Variants in KSR2 observed in about 807,000 individuals in gnomAD.
KSR2 encodes kinase suppressor of ras 2.
Under a neutral mutation model 107.8 loss-of-function variants are expected in KSR2, and 25 were observed. That is an observed-to-expected ratio of 0.23 (90% confidence interval 0.17 to 0.32). The LOEUF is 0.32. Ranked by LOEUF, KSR2 falls within the 10% of genes least tolerant of loss-of-function variation. The pLI is 1.00. For synonymous variants in KSR2, 480 were observed against 507.0 expected, an observed-to-expected ratio of 0.95 and a Z score of 0.71; for missense variants, 887 against 1,268.9, an observed-to-expected ratio of 0.70 and a Z score of 4.57.
chr12:117,480,224 C>T (rs1022507294), intron 16 of KSR2, among the ~76,000 whole-genome samples: 1 of 152,126 alleles, frequency 6.6e-6, no homozygotes, highest in African/African-American at 2.4e-5. Context: ...TTCTCTGCTC[C>T]CATCTTTTTG....
chr12:117,466,922 T>C lies in KSR2; in HGVS notation c.*277A>G, dbSNP rs377320263. ...GCACCACGTGCAGCCTGCAGTGCTC[T>C]CATTAGTGCTGTCCCCTGGGCCGCA... On this transcript the variant is annotated 3_prime_UTR_variant, in exon 20 of 20. Transcript: ENST00000339824. 6.1e-5 allele frequency: 23 copies of C among 379,448 alleles called. No homozygotes were observed. The highest frequency in any genetic ancestry group is 4.4e-4 in the African/African-American group (21 of 48,146). The allele number at this position is 379,448 out of a possible 1,614,324, so 23.5% of individuals were successfully genotyped here. A position where few individuals can be genotyped will look rare whatever the true frequency, so the allele number is the denominator to read the frequency against.
chr12:117,558,735 T>C (rs1018212863), intron 7 of KSR2, among the ~76,000 whole-genome samples, 162 bp from the exon 8 acceptor site: 5 of 123,982 alleles, frequency 4.0e-5, no homozygotes, highest in African/African-American at 1.6e-4. Flanking sequence ...GATGAATGGG[T>C]GAATGGATTC....
At chr12:117,940,060 TA>T (rs1329447867) in intron 1 of KSR2, among the ~76,000 whole-genome samples, 2 of 151,988 alleles carry the variant, frequency 1.3e-5, no homozygotes, top group East Asian at 1.9e-4. Flanking sequence ...CTGCTTTTTA[TA>T]AAATACCAGG....
intron 3 of KSR2, among the ~76,000 whole-genome samples, chr12:117,767,222 G>A (rs573244936): frequency 1.3e-5 from 2 of 149,382 alleles, no homozygotes; most frequent in East Asian, 2.0e-4. Context: ...GACCATCCTG[G>A]CTAACACAGT....
intron 3 of KSR2, among the ~76,000 whole-genome samples, chr12:117,849,220 G>A (rs925939739): frequency 2.6e-5 from 4 of 152,098 alleles, no homozygotes; most frequent in Non-Finnish European, 5.9e-5. Flanking sequence ...CCTGCTGCAC[G>A]TCTTCTTTAA....
intron 1 of KSR2, among the ~76,000 whole-genome samples, chr12:117,893,411 C>A (rs1471422334): frequency 6.6e-6 from 1 of 152,072 alleles, no homozygotes; most frequent in Non-Finnish European, 1.5e-5. Flanking sequence ...AGGTGAAAAA[C>A]CAACATTTTC....
chr12:117,513,048 T>A (rs1425127926), intron 14 of KSR2, among the ~76,000 whole-genome samples: 1 of 151,998 alleles, frequency 6.6e-6, no homozygotes, highest in Admixed American at 6.5e-5. Flanking sequence ...GAGCACCTAC[T>A]TTGTGCAGGT....
intron 8 of KSR2, among the ~76,000 whole-genome samples, chr12:117,557,080 G>A (rs1388098725): frequency 3.9e-5 from 6 of 152,054 alleles, no homozygotes; most frequent in African/African-American, 4.8e-5. Context: ...CAGGAGAATC[G>A]CTTGAACCCG....
intron 3 of KSR2, among the ~76,000 whole-genome samples, chr12:117,795,309 T>G (rs1318179): frequency 6.6e-6 from 1 of 152,014 alleles, no homozygotes; most frequent in South Asian, 2.1e-4. Flanking sequence ...ATCCAACTTG[T>G]CAATGGTGTC....
At chr12:117,512,939 CA>C (rs1874122592) in intron 14 of KSR2, among the ~76,000 whole-genome samples, 1 of 152,010 alleles carries the variant, frequency 6.6e-6, no homozygotes, top group Non-Finnish European at 1.5e-5. Context: ...ATCTAGACAA[CA>C]AAAAAAGCAA....
In KSR2 at chr12:117,873,654, T is replaced by A. The variant is rs1051514983; in HGVS notation, c.181-13223A>T. ...TTTTGTGTTTTTAGTAGAGATGGGG[T>A]TTCACCATGTTGGCCAGACTGGTCT... is the stretch of plus-strand genomic sequence containing the variant. On this transcript the variant is annotated intron_variant, in intron 1 of 19. Coordinates refer to ENST00000339824, the MANE Select transcript of KSR2 (RefSeq NM_173598.6). Among the ~76,000 whole-genome samples the A allele has an allele frequency of 2.6e-5, 4 of 152,146 alleles. No individual in the cohort carries two copies. The East Asian group carries it at 7.8e-4, about 30-fold the overall frequency.
rs543388126 is a variant in KSR2 at position 117,508,858 on chromosome 12, G to A, written c.2219+15994C>T. Reference sequence around the variant, plus strand: ...GGATGTTAAACAGATGGGTGGATGTGAAGGTGGGTAGATGGATAGATGGGT... The same window carrying A: ...GGATGTTAAACAGATGGGTGGATGTAAAGGTGGGTAGATGGATAGATGGGT... On this transcript the variant is annotated intron_variant, in intron 14 of 19. Transcript: ENST00000339824. Among the ~76,000 whole-genome samples the A allele has an allele frequency of 8.9e-5, 13 of 146,680 alleles. No homozygotes were observed. In the East Asian group the frequency reaches 2.2e-3, roughly 25 times the overall value.
At chr12:117,831,663 G>C (rs1891973612) in intron 3 of KSR2, among the ~76,000 whole-genome samples, 1 of 152,156 alleles carries the variant, frequency 6.6e-6, no homozygotes, top group African/African-American at 2.4e-5. Flanking sequence ...GCAACTCCAT[G>C]CAAGACATTG....
intron 4 of KSR2, among the ~76,000 whole-genome samples, chr12:117,712,010 T>C (rs912636114): frequency 9.2e-5 from 14 of 152,136 alleles, no homozygotes; most frequent in Admixed American, 1.3e-4. Context: ...ACTGCCTGCA[T>C]GTGAGGCACC....
chr12:117,835,264 A>G (rs1892154083), intron 3 of KSR2, among the ~76,000 whole-genome samples: 1 of 152,124 alleles, frequency 6.6e-6, no homozygotes, highest in African/African-American at 2.4e-5. Context: ...AACTGATGGA[A>G]GTTTTAACAA....
chr12:117,913,012 C>T (rs139498638), intron 1 of KSR2, among the ~76,000 whole-genome samples: 1 of 152,284 alleles, frequency 6.6e-6, no homozygotes, highest in East Asian at 1.9e-4. Flanking sequence ...TATTAGTCTC[C>T]AGCAGGCCCA....
chr12:117,507,696 C>G (rs928379904), intron 14 of KSR2, among the ~76,000 whole-genome samples: 2 of 152,242 alleles, frequency 1.3e-5, no homozygotes, highest in Admixed American at 6.5e-5. Context: ...AACCTACCCC[C>G]CTGCGATCTT....
At chr12:117,717,822 G>A (rs956079929) in intron 4 of KSR2, among the ~76,000 whole-genome samples, 4 of 152,018 alleles carry the variant, frequency 2.6e-5, no homozygotes, top group African/African-American at 9.7e-5. Flanking sequence ...ACTCACAAGG[G>A]GCCAATCTCA....
intron 14 of KSR2, among the ~76,000 whole-genome samples, chr12:117,505,385 C>A (rs1162583488): frequency 4.6e-5 from 7 of 152,196 alleles, no homozygotes; most frequent in South Asian, 2.1e-4. Context: ...CCTCCAAGAC[C>A]AAAACCCAAA....
Sources: gnomAD v4.1 joint callset for allele counts (sites outside exome capture counted in the v4.1 genomes callset) on GRCh38, gnomAD v4.1.1 for gene constraint, MANE v1.5 for transcripts, NCBI Gene and HGNC (gene_info 2026-07-23, HGNC 2026-07-21) for gene names.